The following ABCD3 variants were observed in gnomAD, a reference collection of about 807,000 sequenced individuals.
ABCD3 encodes ATP binding cassette subfamily D member 3.
Under a neutral mutation model 105.5 loss-of-function variants are expected in ABCD3, and 41 were observed. The ratio of observed to expected loss-of-function variants is 0.39; its 90% CI spans 0.30 to 0.50. ABCD3 has a LOEUF of 0.50. Ranked by LOEUF, ABCD3 falls within the 20% of genes least tolerant of loss-of-function variation. ABCD3 has a pLI of 0.84. For missense variants in ABCD3, 622 were observed against 806.3 expected (o/e 0.77, Z 2.77); for synonymous variants, 258 against 269.0 (o/e 0.96, Z 0.40).
rs1265266889 is a variant in ABCD3, at chr1:94,518,200, G to A, written c.*1071G>A. 1.3e-5 allele frequency: 2 copies of A among 152,110 alleles called. No homozygotes were observed. The highest frequency in any genetic ancestry group is 4.2e-4 in the South Asian group (2 of 4,804). The allele number at this position is 152,110 out of a possible 1,614,324, so 9.4% of individuals were successfully genotyped here. ...GTTATGATGTCAAACGATCCTAAGCGAAGATGATTTCAGTTCATCAAATCA... is the reference window on the plus strand; with the variant it reads ...GTTATGATGTCAAACGATCCTAAGCAAAGATGATTTCAGTTCATCAAATCA... On this transcript the variant is annotated 3_prime_UTR_variant, in exon 23 of 23. Coordinates refer to ENST00000370214, the MANE Select transcript of ABCD3 (RefSeq NM_002858.4).
chr1:94,484,564 C>A (rs993111312), intron 10 of ABCD3, among the ~76,000 whole-genome samples: 7 of 152,140 alleles, frequency 4.6e-5, no homozygotes, highest in Non-Finnish European at 8.8e-5. Context: ...CATGTTCTCA[C>A]TCATAGGTGG....
At chr1:94,416,528 G>A (rs534286626), upstream of ABCD3, among the ~76,000 whole-genome samples, 5 of 152,014 alleles carry the variant, frequency 3.3e-5, no homozygotes, top group Admixed American at 1.3e-4. Flanking sequence ...ATGTGAGGTC[G>A]TTGGGGCTCA....
chr1:94,440,038 T>C (rs773920847), intron 1 of ABCD3, among the ~76,000 whole-genome samples: 4 of 152,220 alleles, frequency 2.6e-5, no homozygotes, highest in Non-Finnish European at 5.9e-5. Flanking sequence ...CTGGCTAGCA[T>C]TGCTTCTTAA....
chr1:94,387,176 A>C, the ABCD3 span, among the ~76,000 whole-genome samples: 2 of 152,172 alleles, frequency 1.3e-5, no homozygotes, highest in South Asian at 4.1e-4. Context: ...GTTATTGCCA[A>C]GTGCCTGGGT....
chr1:94,494,977 C>T (rs1046447972), intron 16 of ABCD3, among the ~76,000 whole-genome samples: 6 of 152,010 alleles, frequency 3.9e-5, no homozygotes, highest in Non-Finnish European at 8.8e-5. Context: ...GTTACGCAGG[C>T]GGCTGAGGTG....
intron 1 of ABCD3, among the ~76,000 whole-genome samples, chr1:94,456,960 A>T (rs1164868148): frequency 6.6e-6 from 1 of 152,196 alleles, no homozygotes; most frequent in Non-Finnish European, 1.5e-5. Flanking sequence ...TATGAGTATT[A>T]TCCCATTGTG....
intron 16 of ABCD3, among the ~76,000 whole-genome samples, chr1:94,494,594 A>G (rs1649706263): frequency 6.6e-6 from 1 of 152,212 alleles, no homozygotes; most frequent in Non-Finnish European, 1.5e-5. Flanking sequence ...AAGAGGCATA[A>G]TAAAACAGAC....
At chr1:94,510,648 G>T (rs1024186585) in intron 21 of ABCD3, among the ~76,000 whole-genome samples, 4 of 152,044 alleles carry the variant, frequency 2.6e-5, no homozygotes, top group Admixed American at 6.6e-5. Flanking sequence ...GGTCGCTCAG[G>T]ACTTGCTTTA....
At chr1:94,437,149 A>G (rs1659937898) in intron 1 of ABCD3, among the ~76,000 whole-genome samples, 1 of 152,244 alleles carries the variant, frequency 6.6e-6, no homozygotes. Flanking sequence ...AAGCTACAGC[A>G]AGTTATCCAG....
At chr1:94,496,010 T>C (rs777698846) in intron 16 of ABCD3, among the ~76,000 whole-genome samples, 1 of 152,242 alleles carries the variant, frequency 6.6e-6, no homozygotes, top group Non-Finnish European at 1.5e-5. Flanking sequence ...TTAACAATTA[T>C]GTGTGTAAAT....
chr1:94,474,425 T>A (rs1471334993), intron 5 of ABCD3, among the ~76,000 whole-genome samples: 2 of 152,174 alleles, frequency 1.3e-5, no homozygotes, highest in African/African-American at 2.4e-5. Flanking sequence ...TCATTTTAAT[T>A]TTCTTGGCGC....
chr1:94,401,654 A>T, the ABCD3 span, among the ~76,000 whole-genome samples: 16 of 152,334 alleles, frequency 1.1e-4, no homozygotes, highest in Middle Eastern at 3.4e-3. Flanking sequence ...CCTTCTCAGG[A>T]CATAAGGTTA....
At chr1:94,479,933 A>T (rs1295204114) in intron 8 of ABCD3, among the ~76,000 whole-genome samples, 1 of 152,050 alleles carries the variant, frequency 6.6e-6, no homozygotes, top group Admixed American at 6.6e-5. Flanking sequence ...GCAGGGAAAG[A>T]CAGAGCTCGT....
intron 1 of ABCD3, among the ~76,000 whole-genome samples, chr1:94,453,475 C>T (rs1035798751): frequency 2.0e-5 from 3 of 151,758 alleles, no homozygotes; most frequent in East Asian, 1.9e-4. Context: ...CCCGCCACCT[C>T]GCCTGGCTAA....
intron 1 of ABCD3, among the ~76,000 whole-genome samples, chr1:94,430,239 A>T (rs1212982998): frequency 6.6e-6 from 1 of 151,014 alleles, no homozygotes; most frequent in African/African-American, 2.4e-5. Flanking sequence ...CTTGCTTTTG[A>T]TTTTACAGGC....
In ABCD3 at chr1:94,432,652, G is replaced by T. The variant is rs116231561; in HGVS notation, c.110+14064G>T. On this transcript the variant is annotated intron_variant, in intron 1 of 22. Transcript: ENST00000370214. The stretch of plus-strand genomic sequence containing the variant: ...TTAAGTTCGAATTAACCATGTGGAA[G>T]GTAAAAGGCAGAATAAAACATTTAA... The T allele has an allele frequency of 4.1e-3, 624 of 152,094 alleles. 5 individuals carry two copies. Among genetic ancestry groups the T allele is most frequent in the African/African-American group, 0.015 (611 of 41,482 alleles). 9.4% of individuals were successfully genotyped at this position (152,094 alleles called of 1,614,324 possible). A position where few individuals can be genotyped will look rare whatever the true frequency, so the allele number is the denominator to read the frequency against.
intron 21 of ABCD3, among the ~76,000 whole-genome samples, chr1:94,509,469 C>T (rs577857196): frequency 1.0e-3 from 153 of 152,210 alleles, no homozygotes; most frequent in African/African-American, 3.4e-3. Context: ...TGTGTCTCTG[C>T]CTGGCTTTGG....
chr1:94,500,902 G>C (rs1650061849), intron 20 of ABCD3, among the ~76,000 whole-genome samples: 1 of 151,952 alleles, frequency 6.6e-6, no homozygotes, highest in African/African-American at 2.4e-5. Context: ...GAAATGATTA[G>C]GCATTTCTAG....
Position 94,499,009 on chromosome 1 carries a change from A to C in ABCD3, c.1595A>C (p.Gln532Pro). 6.2e-7 allele frequency: 1 copy of C among 1,613,986 alleles called. No individual in the cohort carries two copies. The change falls in exon 19 of 23, where the codon CAG (glutamine) becomes CCG (proline). Residue 532 changes from glutamine to proline, a missense_variant. Physicochemically the swap from Gln to Pro is moderately conservative, Grantham distance 76 (BLOSUM62 -1). Around this residue, in one of 4 missense-constraint regions of ABCD3, gnomAD observed 285 missense variants for 352.5 expected, o/e 0.81. Coordinates refer to ENST00000370214, the MANE Select transcript of ABCD3 (RefSeq NM_002858.4). ...QVIYPDGREDQKRKGISDLVL... is the reference protein window; with the variant it reads ...QVIYPDGREDPKRKGISDLVL... ...ATATATCCAGATGGACGAGAAGATC[A>C]GAAAAGGAAGGGAATTTCTGACCTA... is the stretch of plus-strand genomic sequence containing the variant.
Sources: gnomAD v4.1 joint callset for allele counts (sites outside exome capture counted in the v4.1 genomes callset) on GRCh38, gnomAD v4.1.1 for gene constraint, gnomAD v4.1.1 regional missense constraint, MANE v1.5 for transcripts, NCBI Gene and HGNC (gene_info 2026-07-23, HGNC 2026-07-21) for gene names.